The following PLEKHG4B variants were observed in gnomAD, a reference collection of about 807,000 sequenced individuals.
PLEKHG4B encodes the protein pleckstrin homology domain-containing family G member 4B.
PLEKHG4B carries 111 observed loss-of-function variants against 121.3 expected under a neutral mutation model. The ratio of observed to expected loss-of-function variants is 0.92; its 90% CI spans 0.78 to 1.07. PLEKHG4B has a LOEUF of 1.07. Ranked by LOEUF, PLEKHG4B falls within the 50% of genes least tolerant of loss-of-function variation. The pLI is 0.00. For synonymous variants in PLEKHG4B, 738 were observed against 725.0 expected, an observed-to-expected ratio of 1.02 and a Z score of -0.29; for missense variants, 1,831 against 1,757.8, an observed-to-expected ratio of 1.04 and a Z score of -0.74.
chr5:168,243 G>A (rs1179806121), intron 13 of PLEKHG4B, among the ~76,000 whole-genome samples: 2 of 152,212 alleles, frequency 1.3e-5, no homozygotes, highest in African/African-American at 4.8e-5. Flanking sequence ...CCCTCCTCAG[G>A]ACGCTCATTC....
At chr5:149,107 A>G (rs1478934082) in intron 6 of PLEKHG4B, among the ~76,000 whole-genome samples, 3 of 152,254 alleles carry the variant, frequency 2.0e-5, no homozygotes, top group Non-Finnish European at 2.9e-5. Context: ...ACCTAAAACT[A>G]TAAAACGTTT....
chr5:170,279 C>T (rs1228141311), intron 14 of PLEKHG4B, among the ~76,000 whole-genome samples: 6 of 152,060 alleles, frequency 3.9e-5, no homozygotes, highest in East Asian at 1.9e-4. Flanking sequence ...ACAAAAGAAG[C>T]GCATGTTACA....
At position 159,684 on chromosome 5, in the gene PLEKHG4B, G is replaced by C. The variant is rs1202437134; in HGVS notation, c.2488-2099G>C. Among the ~76,000 whole-genome samples, 5 of 152,144 alleles carry C rather than the reference G, an allele frequency of 3.3e-5. No individual in the cohort carries two copies. Among genetic ancestry groups the C allele is most frequent in the Non-Finnish European group, 7.3e-5 (5 of 68,032 alleles). On this transcript the variant is annotated intron_variant, in intron 11 of 19. Coordinates refer to ENST00000637938, the MANE Select transcript of PLEKHG4B (RefSeq NM_052909.5). The surrounding 1 kb of genome is among the most constrained non-coding windows in gnomAD (Gnocchi z 5.5). ...CCTGGCTAGGAAGCCTGTGGCCCAC[G>C]CATCTTTAGCATTTTCTCCCTGGCG...
rs534867583 is a variant in PLEKHG4B at position 139,616 on chromosome 5, C to T, written c.377C>T (p.Ala126Val). The part of the protein sequence containing the change: ...PGDFYLQVTS[A>V]GKQSARLVLK... ...GACTTCTACCTGCAGGTCACGTCGG[C>T]GGGGAAGCAGTCAGCTAGACTGGTC... Residue 126 changes from alanine to valine, a missense_variant, in exon 3 of 20, where the codon GCG becomes GTG. Ala to Val is a moderately conservative substitution (Grantham distance 64). Transcript: ENST00000637938. The surrounding 1 kb of genome is among the most constrained non-coding windows in gnomAD (Gnocchi z 5.0). 1.6e-4 allele frequency: 65 copies of T among 398,898 alleles called. No homozygotes were observed. The highest frequency in any genetic ancestry group is 1.2e-3 in the African/African-American group (59 of 48,742). The allele number at this position is 398,898 out of a possible 1,614,324, so 24.7% of individuals were successfully genotyped here. A position where few individuals can be genotyped will look rare whatever the true frequency, so the allele number is the denominator to read the frequency against.
rs76858160 is a variant in PLEKHG4B at position 114,462 on chromosome 5, T to G, written c.243+1014T>G. Among the ~76,000 whole-genome samples, 644 of 152,228 alleles carry G rather than the reference T, an allele frequency of 4.2e-3. 16 individuals are homozygous for G. In the East Asian group the frequency reaches 0.066, roughly 16 times the overall value. On this transcript the variant is annotated intron_variant, in intron 2 of 19. Transcript: ENST00000637938. Reference sequence around the variant, plus strand: ...AGGAGCAGATTCCATATTTTGGTGTTTGTTTGTTTTTTTGAGATGGAGTCT... The same window carrying G: ...AGGAGCAGATTCCATATTTTGGTGTGTGTTTGTTTTTTTGAGATGGAGTCT...
In PLEKHG4B at chr5:169,415, T is replaced by C. The variant is rs752138558; in HGVS notation, c.3552T>C (p.Ile1184=). The C allele has an allele frequency of 1.9e-6, 3 of 1,614,032 alleles. No homozygotes were observed. Among genetic ancestry groups the C allele is most frequent in the Admixed American group, 1.7e-5 (1 of 60,012 alleles). Residue 1184 remains isoleucine (I), a synonymous_variant, in exon 14 of 20, where the codon ATT becomes ATC. Coordinates refer to ENST00000637938, the MANE Select transcript of PLEKHG4B (RefSeq NM_052909.5). Reference sequence around the variant, plus strand: ...ACATTCGGTGCTTAGGATACGTCATTGACAACTATTTTCCAGAAATGGAAA... The same window carrying C: ...ACATTCGGTGCTTAGGATACGTCATCGACAACTATTTTCCAGAAATGGAAA... The part of the protein sequence containing the change: ...REYIRCLGYV[I]DNYFPEMERM...
chr5:136,972 G>GATGA (rs1235745149), intron 2 of PLEKHG4B, among the ~76,000 whole-genome samples: 1 of 152,206 alleles, frequency 6.6e-6, no homozygotes, highest in African/African-American at 2.4e-5. Context: ...TTCATGGATG[G>GATGA]ATGAACAAAA....
In PLEKHG4B at chr5:162,739, G is replaced by A. The variant is rs1471915130; in HGVS notation, c.2667G>A (p.Gly889=). 56 of 1,456,694 alleles carry A rather than the reference G, an allele frequency of 3.8e-5. No individual in the cohort carries two copies. The highest frequency in any genetic ancestry group is 4.7e-5 in the Non-Finnish European group (52 of 1,103,230). 90.2% of individuals were successfully genotyped at this position (1,456,694 alleles called of 1,614,324 possible). ...ELCETVSSWM[G]PLDPEACPSS... ...TCCCACAGGTGAGCAGCTGGATGGG[G>A]CCCCTGGACCCGGAGGCTTGTCCCT... The change falls in exon 13 of 20, where the codon GGG becomes GGA. Residue 889 remains glycine (G), a synonymous_variant. Coordinates refer to ENST00000637938, the MANE Select transcript of PLEKHG4B (RefSeq NM_052909.5).
At chr5:130,454 C>G (rs1002517624) in intron 2 of PLEKHG4B, among the ~76,000 whole-genome samples, 6 of 152,308 alleles carry the variant, frequency 3.9e-5, no homozygotes, top group Middle Eastern at 3.4e-3. Context: ...TTAACGCCCC[C>G]CCATGCCCTG....
rs2126392521 is a variant in PLEKHG4B, at chr5:137,151, A to T, written c.244-2332A>T. On this transcript the variant is annotated intron_variant, in intron 2 of 19. Transcript: ENST00000637938. This position sits in a 1 kb window ranked among gnomAD's most constrained non-coding sequence, Gnocchi z 4.2. Reference sequence around the variant, plus strand: ...GACCTTGAGGATACTGTGCCAATGGATAGGAGCCAGTACTGGAAGGACAAA... The same window carrying T: ...GACCTTGAGGATACTGTGCCAATGGTTAGGAGCCAGTACTGGAAGGACAAA... 6.6e-6 allele frequency among the ~76,000 whole-genome samples: 1 copy of T among 152,300 alleles called. No individual in the cohort carries two copies. The highest frequency in any genetic ancestry group is 2.1e-4 in the South Asian group (1 of 4,822).
At chr5:103,397 G>A (rs928040523) in intron 1 of PLEKHG4B, among the ~76,000 whole-genome samples, 1 of 152,108 alleles carries the variant, frequency 6.6e-6, no homozygotes, top group African/African-American at 2.4e-5. Flanking sequence ...CCCCCACTCT[G>A]GGAGAAGAGG....
At chr5:147,136 T>C (rs538979517) in intron 6 of PLEKHG4B, among the ~76,000 whole-genome samples, 25 of 151,650 alleles carry the variant, frequency 1.6e-4, no homozygotes, top group Non-Finnish European at 3.4e-4. Context: ...CAGGAAGGAG[T>C]CACTGGGAGG....
At position 186,896 on chromosome 5, in the gene PLEKHG4B, C is replaced by T. The variant is rs1733642799; in HGVS notation, c.*4573C>T. On this transcript the variant is annotated 3_prime_UTR_variant, in exon 20 of 20. Coordinates refer to ENST00000637938, the MANE Select transcript of PLEKHG4B (RefSeq NM_052909.5). ...GGGAGCTGGGAAGGTGTGTGATTTC[C>T]TCCCCCACCTCAGTACTGGGACCCC... 6.6e-6 allele frequency: 1 copy of T among 152,492 alleles called. No homozygotes were observed. The highest frequency in any genetic ancestry group is 1.5e-5 in the Non-Finnish European group (1 of 68,268). The allele number at this position is 152,492 out of a possible 1,614,324, so 9.4% of individuals were successfully genotyped here.
Position 143,030 on chromosome 5 carries a change from C to A in PLEKHG4B, c.1478-17C>A, listed in dbSNP as rs763526426. 3.1e-6 allele frequency: 5 copies of A among 1,610,458 alleles called. No homozygotes were observed. The highest frequency in any genetic ancestry group is 3.4e-6 in the Non-Finnish European group (4 of 1,177,442). ...GGAAAACCTTCATCTTTGACACGGCCTCTTTCCTTTGTCCAGACGTTCTTG... is the reference window on the plus strand; with the variant it reads ...GGAAAACCTTCATCTTTGACACGGCATCTTTCCTTTGTCCAGACGTTCTTG... On this transcript the variant is annotated splice_polypyrimidine_tract_variant and intron_variant, in intron 3 of 19. Transcript: ENST00000637938.
intron 2 of PLEKHG4B, among the ~76,000 whole-genome samples, chr5:114,002 T>C (rs1734233085): frequency 1.3e-5 from 2 of 152,226 alleles, no homozygotes; most frequent in South Asian, 4.1e-4. Context: ...CCAGCGCATA[T>C]ACAAGTTACG....
chr5:109,416 A>AT (rs1346514241), intron 1 of PLEKHG4B, among the ~76,000 whole-genome samples: 20 of 151,492 alleles, frequency 1.3e-4, no homozygotes, highest in Non-Finnish European at 2.5e-4. Flanking sequence ...AAAAAAAAAA[A>AT]AAAAATCCAG....
chr5:179,565 C>G (rs1473689938), intron 18 of PLEKHG4B: 1 of 152,636 alleles, frequency 6.6e-6, no homozygotes, highest in Non-Finnish European at 1.5e-5. Flanking sequence ...GCGGGGAACA[C>G]CCCCCAGGCA....
At chr5:166,531 C>A (rs182995169) in intron 13 of PLEKHG4B, among the ~76,000 whole-genome samples, 1 of 110,404 alleles carries the variant, frequency 9.1e-6, no homozygotes, top group African/African-American at 3.1e-5. Flanking sequence ...CACACTAATG[C>A]TCTGACGGGG....
intron 19 of PLEKHG4B, 118 bp downstream of exon 19, chr5:181,793 TGTC>T: frequency 7.1e-7 from 1 of 1,412,084 alleles, no homozygotes; most frequent in Non-Finnish European, 9.6e-7. Context: ...GCACCAGGCC[TGTC>T]GTCAAGGACA....
Sources: gnomAD v4.1 joint callset for allele counts (sites outside exome capture counted in the v4.1 genomes callset) on GRCh38, gnomAD v4.1.1 for gene constraint, Gnocchi (gnomAD v3.1) non-coding constraint, MANE v1.5 for transcripts, NCBI Gene and HGNC (gene_info 2026-07-23, HGNC 2026-07-21) for gene names.